ZNF398: variants seen among roughly 807,000 people sequenced by gnomAD.
The protein encoded by ZNF398 is zinc finger DNA binding protein ZER6.
In ZNF398, 18 loss-of-function variants were observed where a neutral mutation model predicts 41.9. That is an observed-to-expected ratio of 0.43 (90% CI 0.30 to 0.64). The LOEUF (loss-of-function observed/expected upper bound fraction) is 0.64. Ranked by LOEUF, ZNF398 falls within the 30% of genes least tolerant of loss-of-function variation. The probability of loss-of-function intolerance (pLI) is 0.14; values close to 1 mark genes in which losing one functional copy is unlikely to be tolerated. For missense variants in ZNF398, 669 were observed against 822.8 expected, an observed-to-expected ratio of 0.81 and a Z score of 2.29; for synonymous variants, 260 against 308.8, an observed-to-expected ratio of 0.84 and a Z score of 1.66.
At chr7:149,145,984 C>A (rs1826929865), upstream of ZNF398, among the ~76,000 whole-genome samples, 1 of 137,882 alleles carries the variant, frequency 7.3e-6, no homozygotes, top group Non-Finnish European at 1.5e-5. Context: ...CTAGCTCTGT[C>A]GCCCAGGGTG....
At chr7:149,175,505 A>T in intron 4 of ZNF398, among the ~76,000 whole-genome samples, 1 of 152,040 alleles carries the variant, frequency 6.6e-6, no homozygotes, top group East Asian at 1.9e-4. Flanking sequence ...TGCCAATACT[A>T]TATTCTTCCC....
At chr7:149,155,731 A>ATTTT (rs1235445656) in intron 2 of ZNF398, among the ~76,000 whole-genome samples, 237 of 56,456 alleles carry the variant, frequency 4.2e-3, no homozygotes, top group South Asian at 7.1e-3. Context: ...TTTTTTTTTA[A>ATTTT]TTTTTTTTTT....
At chr7:149,163,430 TG>T (rs1045792169) in intron 2 of ZNF398, among the ~76,000 whole-genome samples, 9 of 150,736 alleles carry the variant, frequency 6.0e-5, no homozygotes, top group African/African-American at 2.2e-4. Context: ...TGAAGTACAA[TG>T]GTGTGATCTC....
chr7:149,148,863 C>CTTTTTTTT lies in ZNF398; in HGVS notation c.24+1118_24+1125dup, dbSNP rs59895177. Among the ~76,000 whole-genome samples, 227 of 63,276 alleles carry CTTTTTTTT rather than the reference C, an allele frequency of 3.6e-3. 39 individuals are homozygous for CTTTTTTTT. Among genetic ancestry groups the CTTTTTTTT allele is most frequent in the East Asian group, 7.3e-3 (12 of 1,650 alleles). 41.5% of individuals were successfully genotyped at this position (63,276 alleles called of 152,430 possible). On this transcript the variant is annotated intron_variant, in intron 1 of 5. Transcript: ENST00000475153. ...TTTATGCACGGACCTTTTTCTTTGT[C>CTTTTTTTT]TTTTTTTTTTTTTTTTTTTTTTTTT...
chr7:149,145,841 T>A (rs1484277534), upstream of ZNF398, among the ~76,000 whole-genome samples: 3 of 152,034 alleles, frequency 2.0e-5, no homozygotes, highest in Non-Finnish European at 4.4e-5. Context: ...TCTCTGCATA[T>A]AGACTTGCTA....
At chr7:149,176,821 G>T (rs1019267088) in intron 5 of ZNF398, among the ~76,000 whole-genome samples, 30 of 152,120 alleles carry the variant, frequency 2.0e-4, no homozygotes, top group Admixed American at 5.9e-4. Flanking sequence ...AAAAACAAGT[G>T]CATACAGACG....
At chr7:149,178,126 C>T (rs1028855197) in intron 5 of ZNF398, among the ~76,000 whole-genome samples, 1 of 152,124 alleles carries the variant, frequency 6.6e-6, no homozygotes, top group African/African-American at 2.4e-5. Flanking sequence ...CCTGTCTCTA[C>T]TAAAAAGACA....
chr7:149,147,625 G>A lies in ZNF398; in HGVS notation c.-118G>A. The A allele has an allele frequency of 8.9e-7, 1 of 1,120,760 alleles. No individual in the cohort carries two copies. Among genetic ancestry groups the A allele is most frequent in the Non-Finnish European group, 1.1e-6 (1 of 895,574 alleles). 69.4% of individuals were successfully genotyped at this position (1,120,760 alleles called of 1,614,324 possible). On this transcript the variant is annotated 5_prime_UTR_variant, in exon 1 of 6. Coordinates refer to ENST00000475153, the MANE Select transcript of ZNF398 (RefSeq NM_170686.3). This position sits in a 1 kb window ranked among gnomAD's most constrained non-coding sequence, Gnocchi z 5.6. ...GTCCCGTCCGTGCGGGGAAGGCAGGGCCGGGTCGGCGCCGCCTGTGGAGAG... is the reference window on the plus strand; with the variant it reads ...GTCCCGTCCGTGCGGGGAAGGCAGGACCGGGTCGGCGCCGCCTGTGGAGAG...
intron 2 of ZNF398, among the ~76,000 whole-genome samples, chr7:149,158,352 AAG>A (rs1795029135): frequency 6.6e-6 from 1 of 152,164 alleles, no homozygotes; most frequent in Non-Finnish European, 1.5e-5. Context: ...GCAGATTTTG[AAG>A]AGTGAATGCG....
rs1794960899 is a variant in ZNF398 at position 149,155,731 on chromosome 7, A to ATTAT, written c.420+1393_420+1394insATTT. On this transcript the variant is annotated intron_variant, in intron 2 of 5. Coordinates refer to ENST00000475153, the MANE Select transcript of ZNF398 (RefSeq NM_170686.3). ...TATTTTTTTTTTTTTTTTTTTTTTA[A>ATTAT]TTTTTTTTTTTTTGAGATGGAGTCT... 4.9e-3 allele frequency among the ~76,000 whole-genome samples: 276 copies of ATTAT among 56,742 alleles called. 1 individual carries two copies. The highest frequency in any genetic ancestry group is 0.015 in the African/African-American group (263 of 17,726). 37.2% of individuals were successfully genotyped at this position (56,742 alleles called of 152,430 possible). A position where few individuals can be genotyped will look rare whatever the true frequency, so the allele number is the denominator to read the frequency against.
Position 149,147,698 on chromosome 7 carries a change from G to C in ZNF398, c.-45G>C. ...GGAGCCGGGCGCGGTGGCAGCGGCG[G>C]CAGCGGCGGCGACTTCCGAGGCCCG... On this transcript the variant is annotated 5_prime_UTR_variant, in exon 1 of 6. Coordinates refer to ENST00000475153, the MANE Select transcript of ZNF398 (RefSeq NM_170686.3). This position sits in a 1 kb window ranked among gnomAD's most constrained non-coding sequence, Gnocchi z 5.6. 1 of 1,282,508 alleles carries C rather than the reference G, an allele frequency of 7.8e-7. No homozygotes were observed. The highest frequency in any genetic ancestry group is 2.6e-5 in the South Asian group (1 of 38,794). 79.4% of individuals were successfully genotyped at this position (1,282,508 alleles called of 1,614,324 possible).
intron 2 of ZNF398, among the ~76,000 whole-genome samples, chr7:149,160,137 C>CAA (rs1795076280): frequency 6.6e-6 from 1 of 151,826 alleles, no homozygotes; most frequent in Non-Finnish European, 1.5e-5. Context: ...TTGGGAACAC[C>CAA]AAAAAAATCC....
At chr7:149,144,090 A>G (rs1826883520), upstream of ZNF398, among the ~76,000 whole-genome samples, 1 of 152,220 alleles carries the variant, frequency 6.6e-6, no homozygotes, top group South Asian at 2.1e-4. Flanking sequence ...AAGGCCAAGA[A>G]TTAAATAGGA....
intron 2 of ZNF398, among the ~76,000 whole-genome samples, chr7:149,160,940 G>A (rs943831735): frequency 1.3e-5 from 2 of 152,048 alleles, no homozygotes; most frequent in African/African-American, 2.4e-5. Flanking sequence ...GAGTGGGGGC[G>A]GGCTGCTGGC....
chr7:149,155,732 T>TA (rs1794961282), intron 2 of ZNF398, among the ~76,000 whole-genome samples: 1 of 105,580 alleles, frequency 9.5e-6, no homozygotes, highest in African/African-American at 3.8e-5. Context: ...TTTTTTTTAA[T>TA]TTTTTTTTTT....
At chr7:149,126,593 A>C (rs1380436288) in exon 1 of ZNF398, 2 of 346,066 alleles carry the variant, frequency 5.8e-6, no homozygotes, top group Non-Finnish European at 1.1e-5. Flanking sequence ...GAACAGGGAG[A>C]GAGTAGGGAC....
chr7:149,127,548 C>A (rs374324890), intron 1 of ZNF398, among the ~76,000 whole-genome samples: 166 of 74,842 alleles, frequency 2.2e-3, no homozygotes, highest in African/African-American at 3.5e-3. Flanking sequence ...ACTAAAAATA[C>A]AAAAAAAAAA....
rs1795223427 is a variant in ZNF398 at position 149,166,245 on chromosome 7, A to T, written c.508A>T (p.Asn170Tyr). 6.2e-7 allele frequency: 1 copy of T among 1,614,030 alleles called. No individual in the cohort carries two copies. The change falls in exon 3 of 6, where the codon AAT (asparagine) becomes TAT (tyrosine). Residue 170 changes from asparagine (N) to tyrosine (Y), a missense_variant. Transcript: ENST00000475153. ...LEEWQKELYK[N>Y]IMKGNYESLI... is the part of the protein sequence containing the mutation. ...AGAATGGCAAAAGGAACTTTACAAG[A>T]ATATCATGAAGGGCAACTACGAGTC...
At chr7:149,161,640 A>G (rs1426924890) in intron 2 of ZNF398, among the ~76,000 whole-genome samples, 1 of 152,214 alleles carries the variant, frequency 6.6e-6, no homozygotes, top group Admixed American at 6.5e-5. Context: ...ACATACAAGC[A>G]TACAAGGTGG....
Sources: gnomAD v4.1 joint callset for allele counts (sites outside exome capture counted in the v4.1 genomes callset) on GRCh38, gnomAD v4.1.1 for gene constraint, Gnocchi (gnomAD v3.1) non-coding constraint, MANE v1.5 for transcripts, NCBI Gene and HGNC (gene_info 2026-07-23, HGNC 2026-07-21) for gene names.